The following XRCC5 variants were observed in gnomAD, a reference collection of about 807,000 sequenced individuals.
XRCC5 encodes the protein DNA repair protein Ku80.
A neutral mutation model predicts 95.7 loss-of-function variants in XRCC5; 12 were observed. That is an observed-to-expected ratio of 0.13 (90% CI 0.08 to 0.20). The LOEUF (loss-of-function observed/expected upper bound fraction) is 0.20. XRCC5 is among the 10% of genes least tolerant of loss of function. The pLI is 1.00. For missense variants in XRCC5, 595 were observed against 873.9 expected, an observed-to-expected ratio of 0.68 and a Z score of 4.02; for synonymous variants, 281 against 290.3, an observed-to-expected ratio of 0.97 and a Z score of 0.33.
At chr2:216,203,507 AAG>A (rs1689882126) in intron 19 of XRCC5, among the ~76,000 whole-genome samples, 1 of 152,184 alleles carries the variant, frequency 6.6e-6, no homozygotes, top group Non-Finnish European at 1.5e-5. Flanking sequence ...AGGATGGAAA[AAG>A]AGTGTTCAGA....
intron 16 of XRCC5, among the ~76,000 whole-genome samples, chr2:216,177,030 T>G (rs1574479970): frequency 1.3e-5 from 2 of 152,366 alleles, no homozygotes; most frequent in South Asian, 2.1e-4. Flanking sequence ...TGTTGATTTT[T>G]AATTCTGTTA....
rs539405353 is a variant in XRCC5, at chr2:216,151,139, C to A, written c.1670+2863C>A. ...AAAAACATTGAACCTTTGAGAAGAT[C>A]TGATATTTGTCTTGGACTTGTTGAA... On this transcript the variant is annotated intron_variant, in intron 14 of 20. Coordinates refer to ENST00000392132, the MANE Select transcript of XRCC5 (RefSeq NM_021141.4). 2.0e-5 allele frequency among the ~76,000 whole-genome samples: 3 copies of A among 152,198 alleles called. No homozygotes were observed. In the South Asian group the frequency reaches 6.2e-4, roughly 32 times the overall value.
At chr2:216,147,576 T>C (rs1464314248) in intron 13 of XRCC5, among the ~76,000 whole-genome samples, 2 of 152,098 alleles carry the variant, frequency 1.3e-5, no homozygotes, top group Non-Finnish European at 2.9e-5. Context: ...GACAACTCAG[T>C]ATTCTCATCT....
At chr2:216,176,620 T>G (rs1689283600) in intron 16 of XRCC5, among the ~76,000 whole-genome samples, 2 of 152,328 alleles carry the variant, frequency 1.3e-5, no homozygotes, top group African/African-American at 4.8e-5. Flanking sequence ...TTGGTCAGTC[T>G]AGGTAAAGGC....
At chr2:216,197,307 T>C (rs757677638) in intron 19 of XRCC5, among the ~76,000 whole-genome samples, 21 of 151,978 alleles carry the variant, frequency 1.4e-4, no homozygotes, top group Non-Finnish European at 2.8e-4. Context: ...AATTCTGATA[T>C]CAGAACTGAT....
chr2:216,136,066 G>C (rs1697069121), intron 10 of XRCC5, among the ~76,000 whole-genome samples: 1 of 152,014 alleles, frequency 6.6e-6, no homozygotes, highest in Non-Finnish European at 1.5e-5. Context: ...TTTTAAAAAT[G>C]AATGTACAGG....
chr2:216,182,011 G>T (rs1185174966), intron 16 of XRCC5, among the ~76,000 whole-genome samples: 2 of 152,174 alleles, frequency 1.3e-5, no homozygotes, highest in Non-Finnish European at 2.9e-5. Context: ...TTTAGAAGGA[G>T]TTATCACATA....
At chr2:216,147,662 G>A (rs578106517) in intron 13 of XRCC5, among the ~76,000 whole-genome samples, 54 of 152,260 alleles carry the variant, frequency 3.5e-4, no homozygotes, top group African/African-American at 1.2e-3. Flanking sequence ...CCACCACATG[G>A]CATTCTCTGA....
chr2:216,139,965 A>G (rs7568121), intron 12 of XRCC5, among the ~76,000 whole-genome samples: 2,348 of 152,314 alleles, frequency 0.015, 70 homozygotes, highest in African/African-American at 0.054. Flanking sequence ...AAGTTATTTC[A>G]TGTATTTCCC....
intron 16 of XRCC5, among the ~76,000 whole-genome samples, chr2:216,173,348 G>T (rs1037644136): frequency 6.6e-6 from 1 of 152,052 alleles, no homozygotes; most frequent in Admixed American, 6.5e-5. Flanking sequence ...GATGTTAGTT[G>T]TAAGTTTTAC....
At position 216,204,362 on chromosome 2, in the gene XRCC5, C is replaced by G; in HGVS notation, c.2150C>G (p.Ala717Gly). Residue 717 changes from alanine (A) to glycine (G), a missense_variant, in exon 20 of 21, where the codon GCT becomes GGT. This residue lies in a region of XRCC5 where 309 missense variants were observed against 382.9 expected (regional missense o/e 0.81). Coordinates refer to ENST00000392132, the MANE Select transcript of XRCC5 (RefSeq NM_021141.4). The part of the protein sequence containing the change: ...PKDKPSGDTA[A>G]VFEEGGDVDD... ...GACAAACCAAGTGGAGACACAGCAGCTGTATTTGAAGAAGGTGGTGATGTG... is the reference window on the plus strand; with the variant it reads ...GACAAACCAAGTGGAGACACAGCAGGTGTATTTGAAGAAGGTGGTGATGTG... 1 of 1,613,930 alleles carries G rather than the reference C, an allele frequency of 6.2e-7. No homozygotes were observed. The highest frequency in any genetic ancestry group is 8.5e-7 in the Non-Finnish European group (1 of 1,179,850).
intron 1 of XRCC5, among the ~76,000 whole-genome samples, chr2:216,110,950 G>T (rs756418829): frequency 6.6e-6 from 1 of 151,604 alleles, no homozygotes; most frequent in Non-Finnish European, 1.5e-5. Flanking sequence ...TGTGTTGTTT[G>T]TAAACTAGTG....
intron 16 of XRCC5, 73 bp downstream of exon 16, chr2:216,162,121 T>G: frequency 7.2e-7 from 1 of 1,380,028 alleles, no homozygotes; most frequent in Non-Finnish European, 1.0e-6. Context: ...GATTAAGAAC[T>G]GTAGCCTTTT....
At position 216,205,314 on chromosome 2, in the gene XRCC5, C is replaced by A; in HGVS notation, c.*112C>A. ...GGGGAGCCAAAATCTCAAGAAATTC[C>A]CAGCAGGTTACCTGGAGGCGGATCA... On this transcript the variant is annotated 3_prime_UTR_variant, in exon 21 of 21. Transcript: ENST00000392132. 1 of 1,326,924 alleles carries A rather than the reference C, an allele frequency of 7.5e-7. No individual in the cohort carries two copies. Among genetic ancestry groups the A allele is most frequent in the African/African-American group, 1.4e-5 (1 of 69,126 alleles). 82.2% of individuals were successfully genotyped at this position (1,326,924 alleles called of 1,614,324 possible). A position where few individuals can be genotyped will look rare whatever the true frequency, so the allele number is the denominator to read the frequency against.
chr2:216,115,769 A>G (rs1167656913), intron 2 of XRCC5, among the ~76,000 whole-genome samples: 1 of 151,858 alleles, frequency 6.6e-6, no homozygotes, highest in African/African-American at 2.4e-5. Flanking sequence ...CAATTTTCCC[A>G]TTGTCTTATG....
intron 6 of XRCC5, 120 bp downstream of exon 6, chr2:216,122,373 T>A (rs1696826068): frequency 1.1e-6 from 1 of 930,272 alleles, no homozygotes; most frequent in Non-Finnish European, 1.6e-6. Flanking sequence ...CATTGCTTAA[T>A]ATTCTGAGTT....
At chr2:216,166,726 TAGAC>T (rs950578439) in intron 16 of XRCC5, among the ~76,000 whole-genome samples, 4 of 152,112 alleles carry the variant, frequency 2.6e-5, no homozygotes, top group African/African-American at 9.6e-5. Context: ...TGTCAAAAGA[TAGAC>T]AGCAGGTTCA....
intron 7 of XRCC5, among the ~76,000 whole-genome samples, chr2:216,127,296 G>A (rs1420121583): frequency 6.6e-6 from 1 of 152,138 alleles, no homozygotes; most frequent in Admixed American, 6.5e-5. Context: ...TGTATAGAAA[G>A]TGTGAATGTA....
chr2:216,177,365 C>A (rs1463142512), intron 16 of XRCC5, among the ~76,000 whole-genome samples: 1 of 152,090 alleles, frequency 6.6e-6, no homozygotes, highest in African/African-American at 2.4e-5. Context: ...GTCATGAGAT[C>A]CTAGTGAATT....
Sources: allele counts gnomAD v4.1 joint callset (sites outside exome capture counted in the v4.1 genomes callset), GRCh38; gene constraint gnomAD v4.1.1; regional missense constraint gnomAD v4.1.1; transcripts MANE v1.5; gene names NCBI Gene and HGNC (gene_info 2026-07-23, HGNC 2026-07-21).